Variants in LTBP1 observed in about 807,000 individuals in gnomAD.
LTBP1 encodes latent transforming growth factor beta binding protein 1.
Under a neutral mutation model 207.6 loss-of-function variants are expected in LTBP1, and 129 were observed. The ratio of observed to expected loss-of-function variants is 0.62; its 90% CI spans 0.54 to 0.72. The LOEUF (loss-of-function observed/expected upper bound fraction) is 0.72, where lower values mean the gene tolerates loss of function less well. Ranked by LOEUF, LTBP1 falls within the 30% of genes least tolerant of loss-of-function variation. The probability of loss-of-function intolerance (pLI) is 0.00; values close to 1 mark genes in which losing one functional copy is unlikely to be tolerated. For missense variants in LTBP1, 2,281 were observed against 2,217.2 expected, an observed-to-expected ratio of 1.03 and a Z score of -0.58; for synonymous variants, 963 against 833.7, an observed-to-expected ratio of 1.16 and a Z score of -2.67.
At chr2:33,243,588 T>C (rs1194623971) in intron 9 of LTBP1, 74 bp from the exon 10 acceptor site, 45 of 1,417,762 alleles carry the variant, frequency 3.2e-5, no homozygotes, top group Non-Finnish European at 4.3e-5. Context: ...AAAAAGGAAG[T>C]GAATGCAATG....
intron 31 of LTBP1, among the ~76,000 whole-genome samples, chr2:33,375,838 G>A (rs1379666377): frequency 6.6e-6 from 1 of 151,620 alleles, no homozygotes; most frequent in Admixed American, 6.6e-5. Context: ...CACTGCGCCC[G>A]GCCTATGTTG....
At chr2:33,141,853 A>G (rs916027096) in intron 5 of LTBP1, among the ~76,000 whole-genome samples, 4 of 152,096 alleles carry the variant, frequency 2.6e-5, no homozygotes, top group Non-Finnish European at 4.4e-5. Flanking sequence ...GGGTTCATCG[A>G]CCTGCTTTGT....
chr2:33,186,808 C>T, intron 5 of LTBP1, 48 bp from the exon 6 acceptor site: 6 of 1,420,318 alleles, frequency 4.2e-6, no homozygotes, highest in Non-Finnish European at 6.0e-6. Context: ...CATTACTTAG[C>T]CTCTGAGAGA....
At chr2:33,246,362 G>A (rs2092509179) in intron 10 of LTBP1, among the ~76,000 whole-genome samples, 1 of 152,102 alleles carries the variant, frequency 6.6e-6, no homozygotes, top group African/African-American at 2.4e-5. Context: ...GAAGACAGAA[G>A]GAATTAGGGA....
chr2:32,977,294 C>T (rs1472321261), intron 2 of LTBP1, among the ~76,000 whole-genome samples: 1 of 152,196 alleles, frequency 6.6e-6, no homozygotes, highest in Non-Finnish European at 1.5e-5. Context: ...GCGTGGCCCA[C>T]CTGGCTATGA....
At chr2:33,372,028 T>C (rs916949415) in intron 31 of LTBP1, among the ~76,000 whole-genome samples, 1 of 152,164 alleles carries the variant, frequency 6.6e-6, no homozygotes, top group African/African-American at 2.4e-5. Context: ...ATATATAAGG[T>C]TGAGTACTAC....
chr2:33,266,726 A>G (rs1049058193), intron 15 of LTBP1, among the ~76,000 whole-genome samples: 1 of 152,100 alleles, frequency 6.6e-6, no homozygotes, highest in African/African-American at 2.4e-5. Flanking sequence ...TGCCCGCAGA[A>G]AGGAGCTACC....
chr2:33,155,867 T>C (rs2083933590), intron 5 of LTBP1, among the ~76,000 whole-genome samples: 1 of 152,234 alleles, frequency 6.6e-6, no homozygotes, highest in Non-Finnish European at 1.5e-5. Flanking sequence ...TTGATAACGT[T>C]TTGTTAATCA....
intron 2 of LTBP1, among the ~76,000 whole-genome samples, chr2:32,963,373 T>C (rs2148464665): frequency 6.6e-6 from 1 of 151,202 alleles, no homozygotes; most frequent in South Asian, 2.1e-4. Flanking sequence ...CCCAGCTATT[T>C]TTTTTTTTTA....
rs750418767 is a variant in LTBP1 at position 33,263,429 on chromosome 2, G to A, written c.2617+37G>A. 50 of 1,446,960 alleles carry A rather than the reference G, an allele frequency of 3.5e-5. No homozygotes were observed. In the African/African-American group the frequency reaches 6.0e-4, roughly 17 times the overall value. 89.6% of individuals were successfully genotyped at this position (1,446,960 alleles called of 1,614,324 possible). A position where few individuals can be genotyped will look rare whatever the true frequency, so the allele number is the denominator to read the frequency against. On this transcript the variant is annotated intron_variant, in intron 15 of 33. Transcript: ENST00000404816. ...ATTTTTACATTATATATCACATGGA[G>A]GAGACGTGGGGCTGAGCTTCATTTT...
chr2:33,384,455 T>A (rs180864009), intron 31 of LTBP1, among the ~76,000 whole-genome samples: 1 of 152,188 alleles, frequency 6.6e-6, no homozygotes, highest in African/African-American at 2.4e-5. Context: ...CACATTGGTA[T>A]TTGGCTAGAT....
At chr2:33,058,675 T>C (rs777876314) in intron 3 of LTBP1, among the ~76,000 whole-genome samples, 1 of 152,232 alleles carries the variant, frequency 6.6e-6, no homozygotes, top group Non-Finnish European at 1.5e-5. Context: ...AAAAATACTT[T>C]AGTGAATTTC....
intron 11 of LTBP1, among the ~76,000 whole-genome samples, chr2:33,253,886 T>C (rs2092753157): frequency 7.9e-6 from 1 of 127,198 alleles, no homozygotes; most frequent in Admixed American, 7.8e-5. Flanking sequence ...ATGCACTTTT[T>C]TTTTTTTTTT....
chr2:33,382,284 G>C (rs1025784018), intron 31 of LTBP1, among the ~76,000 whole-genome samples: 1 of 151,528 alleles, frequency 6.6e-6, no homozygotes, highest in East Asian at 1.9e-4. Context: ...TGGTAGAGAC[G>C]GGGTTTCACC....
intron 7 of LTBP1, among the ~76,000 whole-genome samples, chr2:33,206,037 C>T (rs919027912): frequency 3.3e-5 from 5 of 152,226 alleles, no homozygotes; most frequent in South Asian, 4.2e-4. Context: ...TTGTTTAAAC[C>T]ACCCAGTCTA....
At chr2:33,331,029 T>C (rs2094487891) in intron 24 of LTBP1, among the ~76,000 whole-genome samples, 1 of 151,832 alleles carries the variant, frequency 6.6e-6, no homozygotes, top group Admixed American at 6.6e-5. Flanking sequence ...TCCATTTGGG[T>C]AAAATTTCGT....
At chr2:33,373,925 A>G (rs1048189275) in intron 31 of LTBP1, among the ~76,000 whole-genome samples, 3 of 152,164 alleles carry the variant, frequency 2.0e-5, no homozygotes, top group Non-Finnish European at 4.4e-5. Flanking sequence ...ATCCTTCCTA[A>G]TATCTAACCT....
intron 2 of LTBP1, among the ~76,000 whole-genome samples, chr2:32,967,394 C>T (rs1057412837): frequency 1.3e-5 from 2 of 151,874 alleles, no homozygotes; most frequent in Non-Finnish European, 2.9e-5. Flanking sequence ...TCTAGTTTCC[C>T]ATGGTGGAAG....
At chr2:33,029,866 G>A (rs1345918206) in intron 3 of LTBP1, among the ~76,000 whole-genome samples, 1 of 152,160 alleles carries the variant, frequency 6.6e-6, no homozygotes, top group Admixed American at 6.5e-5. Flanking sequence ...ACCAGAAATT[G>A]TTTATTTTCA....
Sources: gnomAD v4.1 joint callset for allele counts (sites outside exome capture counted in the v4.1 genomes callset) on GRCh38, gnomAD v4.1.1 for gene constraint, MANE v1.5 for transcripts, NCBI Gene and HGNC (gene_info 2026-07-23, HGNC 2026-07-21) for gene names.